Variants in LEF1 observed in about 807,000 individuals in gnomAD.
LEF1 encodes lymphoid enhancer-binding factor 1.
In LEF1, 14 loss-of-function variants were observed where a neutral mutation model predicts 51.2. The observed-to-expected ratio is 0.27, with a 90% CI of 0.18 to 0.43. LEF1 has a LOEUF of 0.43. Among genes scored for constraint, LEF1 ranks in the 20% least tolerant of loss-of-function variants. The probability of loss-of-function intolerance (pLI) is 1.00; values close to 1 mark genes in which losing one functional copy is unlikely to be tolerated. For synonymous variants in LEF1, 185 were observed against 183.2 expected, an observed-to-expected ratio of 1.01 and a Z score of -0.08; for missense variants, 386 against 512.0, an observed-to-expected ratio of 0.75 and a Z score of 2.37.
chr4:108,083,055 C>T (rs989016533), intron 5 of LEF1, among the ~76,000 whole-genome samples: 1 of 152,150 alleles, frequency 6.6e-6, no homozygotes, highest in African/African-American at 2.4e-5. Flanking sequence ...CCACACTGAG[C>T]ACTAACTTTG....
chr4:108,135,507 C>A (rs2110360657), intron 3 of LEF1, among the ~76,000 whole-genome samples: 1 of 152,282 alleles, frequency 6.6e-6, no homozygotes, highest in African/African-American at 2.4e-5. Flanking sequence ...GCATCCCTTC[C>A]AGTGGAGGCT....
intron 3 of LEF1, among the ~76,000 whole-genome samples, chr4:108,103,180 A>G (rs776328318): frequency 2.0e-5 from 3 of 152,200 alleles, no homozygotes; most frequent in Admixed American, 1.3e-4. Flanking sequence ...CCAAACAACA[A>G]AGCATCACTA....
Position 108,165,172 on chromosome 4 carries a change from A to G in LEF1, c.214-9T>C. 1 of 1,613,648 alleles carries G rather than the reference A, an allele frequency of 6.2e-7. No homozygotes were observed. Among genetic ancestry groups the G allele is most frequent in the Non-Finnish European group, 8.5e-7 (1 of 1,179,560 alleles). ...TGTGCTTGTCTGGCCACCTAACATC[A>G]TGAATCCCCACACCCAAAAGAAAGA... On this transcript the variant is annotated splice_polypyrimidine_tract_variant and intron_variant, in intron 1 of 11. Coordinates refer to ENST00000265165, the MANE Select transcript of LEF1 (RefSeq NM_016269.5).
intron 3 of LEF1, among the ~76,000 whole-genome samples, chr4:108,122,749 G>A (rs184045333): frequency 3.3e-5 from 5 of 152,142 alleles, no homozygotes; most frequent in Admixed American, 6.5e-5. Flanking sequence ...GCCTCCTAAA[G>A]TGCTGAGAAT....
chr4:108,118,029 T>C (rs775362995), intron 3 of LEF1, among the ~76,000 whole-genome samples: 21 of 152,314 alleles, frequency 1.4e-4, no homozygotes, highest in Middle Eastern at 6.8e-3. Flanking sequence ...TCTGTGAGAT[T>C]GCTATCATTA....
At chr4:108,133,749 T>G (rs1228618837) in intron 3 of LEF1, among the ~76,000 whole-genome samples, 2 of 152,188 alleles carry the variant, frequency 1.3e-5, no homozygotes, top group East Asian at 3.8e-4. Context: ...ATAAACTCCT[T>G]TGATAACATC....
chr4:108,114,255 T>C (rs1440237929), intron 3 of LEF1, among the ~76,000 whole-genome samples: 1 of 152,138 alleles, frequency 6.6e-6, no homozygotes. Context: ...GCAAACTAAT[T>C]TAAAAAGTAT....
At chr4:108,066,029 A>C (rs1560763020) in intron 9 of LEF1, among the ~76,000 whole-genome samples, 1 of 152,134 alleles carries the variant, frequency 6.6e-6, no homozygotes, top group Non-Finnish European at 1.5e-5. Flanking sequence ...CAGCCTCCCA[A>C]GTAGCTGGGA....
intron 3 of LEF1, among the ~76,000 whole-genome samples, chr4:108,106,072 C>T (rs1578349805): frequency 6.6e-6 from 1 of 152,198 alleles, no homozygotes; most frequent in East Asian, 1.9e-4. Flanking sequence ...CAGACCCAGT[C>T]ACAAATGCTC....
At chr4:108,059,954 G>A (rs1292229928) in intron 11 of LEF1, among the ~76,000 whole-genome samples, 2 of 152,138 alleles carry the variant, frequency 1.3e-5, no homozygotes, top group East Asian at 1.9e-4. Context: ...CAAAGTACTG[G>A]AATTACAGGA....
In LEF1 at chr4:108,048,639, C is replaced by A; in HGVS notation, c.*119G>T. On this transcript the variant is annotated 3_prime_UTR_variant, in exon 12 of 12. Coordinates refer to ENST00000265165, the MANE Select transcript of LEF1 (RefSeq NM_016269.5). ...ATTGATGTCAGTGTTCCTTTGGGGT[C>A]GACTGGGCAGGCCGTGGAGACAGTC... The A allele has an allele frequency of 6.9e-7, 1 of 1,456,208 alleles. No homozygotes were observed. The highest frequency in any genetic ancestry group is 1.4e-5 in the South Asian group (1 of 73,544). 90.2% of individuals were successfully genotyped at this position (1,456,208 alleles called of 1,614,324 possible).
intron 3 of LEF1, among the ~76,000 whole-genome samples, chr4:108,104,977 A>C (rs1741061527): frequency 6.6e-6 from 1 of 152,112 alleles, no homozygotes; most frequent in Non-Finnish European, 1.5e-5. Flanking sequence ...AGAGATAGGC[A>C]TGTGACACGG....
intron 3 of LEF1, among the ~76,000 whole-genome samples, chr4:108,116,875 AC>A (rs1741876175): frequency 6.6e-6 from 1 of 152,232 alleles, no homozygotes; most frequent in African/African-American, 2.4e-5. Flanking sequence ...AGTGCCAAGA[AC>A]AGTGCTGGGC....
intron 3 of LEF1, among the ~76,000 whole-genome samples, chr4:108,157,221 A>ACACACACACACACACACACAC (rs1430240760): frequency 1.6e-4 from 8 of 51,502 alleles, no homozygotes; most frequent in Non-Finnish European, 2.7e-4. Context: ...CACACACACA[A>ACACACACACACACACACACAC]ACACACATAT....
rs908730410 is a variant in LEF1 at position 108,063,676 on chromosome 4, G to C, written c.1166-13C>G. 1.3e-6 allele frequency: 2 copies of C among 1,570,212 alleles called. No homozygotes were observed. Among genetic ancestry groups the C allele is most frequent in the Admixed American group, 2.0e-5 (1 of 51,166 alleles). ...CTTGGACCTGTACCTGCAGAAAATT[G>C]TGTCTTTAACAAATTTTTATTGAAG... On this transcript the variant is annotated splice_polypyrimidine_tract_variant and intron_variant, in intron 10 of 11. Coordinates refer to ENST00000265165, the MANE Select transcript of LEF1 (RefSeq NM_016269.5).
At chr4:108,108,414 C>A (rs569223725) in intron 3 of LEF1, among the ~76,000 whole-genome samples, 2 of 152,128 alleles carry the variant, frequency 1.3e-5, no homozygotes, top group Admixed American at 6.6e-5. Flanking sequence ...CTCCTTGCAA[C>A]CTGACCTGGT....
chr4:108,067,292 C>T (rs182378029), intron 9 of LEF1, among the ~76,000 whole-genome samples: 20 of 152,296 alleles, frequency 1.3e-4, no homozygotes, highest in South Asian at 8.3e-4. Context: ...CACCCATCAA[C>T]ATGGAGAAGA....
intron 4 of LEF1, among the ~76,000 whole-genome samples, chr4:108,083,809 A>G (rs949850629): frequency 5.3e-5 from 8 of 152,234 alleles, no homozygotes; most frequent in Non-Finnish European, 1.2e-4. Flanking sequence ...ATGGAAAATG[A>G]CAGCCCTTCG....
At chr4:108,059,117 T>C (rs189412059) in intron 11 of LEF1, among the ~76,000 whole-genome samples, 6 of 152,302 alleles carry the variant, frequency 3.9e-5, no homozygotes, top group Admixed American at 1.3e-4. Flanking sequence ...TTAATGGTAA[T>C]TTATTTGTTT....
Sources: gnomAD v4.1 joint callset for allele counts (sites outside exome capture counted in the v4.1 genomes callset) on GRCh38, gnomAD v4.1.1 for gene constraint, MANE v1.5 for transcripts, NCBI Gene and HGNC (gene_info 2026-07-23, HGNC 2026-07-21) for gene names.